CPNE4: variants seen among roughly 807,000 people sequenced by gnomAD.
CPNE4 encodes copine-4.
A neutral mutation model predicts 67.9 loss-of-function variants in CPNE4; 25 were observed. The observed-to-expected ratio is 0.37, with a 90% CI of 0.27 to 0.51. CPNE4 has a LOEUF of 0.51. CPNE4 is among the 20% of genes least tolerant of loss of function. CPNE4 has a pLI of 0.93. For synonymous variants in CPNE4, 242 were observed against 244.9 expected, an observed-to-expected ratio of 0.99 and a Z score of 0.11; for missense variants, 464 against 690.8, an observed-to-expected ratio of 0.67 and a Z score of 3.68.
intron 6 of CPNE4, 146 bp downstream of exon 6, chr3:131,685,729 C>T (rs1401651720): frequency 3.2e-5 from 18 of 571,300 alleles, no homozygotes; most frequent in African/African-American, 5.8e-5. Flanking sequence ...TGCAGTGAGA[C>T]GAGACTGCGC....
chr3:131,856,893 C>G (rs1841540), intron 2 of CPNE4, among the ~76,000 whole-genome samples: 149,539 of 152,116 alleles, frequency 0.98, 73,571 homozygotes, highest in Middle Eastern at 1. Context: ...GCAAAGCTGG[C>G]ATTTGACAAC....
intron 7 of CPNE4, among the ~76,000 whole-genome samples, chr3:131,657,844 G>A (rs956785724): frequency 2.0e-5 from 3 of 151,946 alleles, no homozygotes; most frequent in African/African-American, 7.3e-5. Flanking sequence ...GATTACAGGC[G>A]TGAGATACCG....
At chr3:131,749,224 C>T (rs1345966463) in intron 2 of CPNE4, among the ~76,000 whole-genome samples, 2 of 152,106 alleles carry the variant, frequency 1.3e-5, no homozygotes, top group East Asian at 3.8e-4. Context: ...ATGGATTATG[C>T]AGAAGTCTGT....
chr3:131,780,195 G>T (rs1182518273), intron 2 of CPNE4, among the ~76,000 whole-genome samples: 1 of 152,124 alleles, frequency 6.6e-6, no homozygotes, highest in African/African-American at 2.4e-5. Context: ...TGCTGGCAAG[G>T]TTGTAGAAGA....
intron 2 of CPNE4, among the ~76,000 whole-genome samples, chr3:131,789,715 G>C (rs1378434338): frequency 6.6e-6 from 1 of 152,130 alleles, no homozygotes; most frequent in South Asian, 2.1e-4. Context: ...GTGCCTACTA[G>C]GCTAAGTCCT....
intron 7 of CPNE4, chr3:131,620,627 C>A (rs1387265886): frequency 1.5e-5 from 3 of 202,344 alleles, no homozygotes; most frequent in African/African-American, 7.1e-5. Context: ...GAATAGAAGC[C>A]CAGATTATCC....
At chr3:131,781,008 C>T (rs1259575193) in intron 2 of CPNE4, among the ~76,000 whole-genome samples, 1 of 151,966 alleles carries the variant, frequency 6.6e-6, no homozygotes, top group Non-Finnish European at 1.5e-5. Flanking sequence ...TGAACCTTGG[C>T]CATGGTGAAA....
upstream of CPNE4, chr3:132,038,003 C>CTT (rs35184182): frequency 0.46 from 66,688 of 145,288 alleles, 16,708 homozygotes; most frequent in Middle Eastern, 0.57. Context: ...TATTTTCTTT[C>CTT]TTTTTTTTTT....
At chr3:131,571,326 T>A (rs1000661086) in intron 10 of CPNE4, among the ~76,000 whole-genome samples, 3 of 151,898 alleles carry the variant, frequency 2.0e-5, no homozygotes, top group African/African-American at 7.3e-5. Context: ...CCCTTTTCCT[T>A]CTATATTTTT....
At chr3:131,661,618 A>G (rs901815624) in intron 7 of CPNE4, among the ~76,000 whole-genome samples, 17 of 152,156 alleles carry the variant, frequency 1.1e-4, no homozygotes, top group African/African-American at 4.1e-4. Flanking sequence ...GCAATCAGAT[A>G]AGTTCCAGGA....
intron 2 of CPNE4, among the ~76,000 whole-genome samples, chr3:131,851,739 C>T (rs2086249554): frequency 1.3e-5 from 2 of 152,018 alleles, no homozygotes; most frequent in African/African-American, 4.8e-5. Context: ...CTTGAAGAGA[C>T]CTGGTTTCTA....
At chr3:131,748,387 G>A (rs959392326) in intron 2 of CPNE4, among the ~76,000 whole-genome samples, 19 of 151,944 alleles carry the variant, frequency 1.3e-4, no homozygotes, top group African/African-American at 4.6e-4. Context: ...TCTATATCGT[G>A]AGGAATACTG....
intron 1 of CPNE4, among the ~76,000 whole-genome samples, chr3:131,931,697 A>T (rs2071065440): frequency 6.6e-6 from 1 of 152,158 alleles, no homozygotes. Flanking sequence ...TAGAAAAAAA[A>T]TTCCAAAAAT....
chr3:131,706,446 C>T (rs113423746), intron 3 of CPNE4, among the ~76,000 whole-genome samples: 2,648 of 152,220 alleles, frequency 0.017, 84 homozygotes, highest in African/African-American at 0.059. Flanking sequence ...TATAAGCTTA[C>T]GTATGAATGA....
At chr3:131,846,122 T>C (rs1024849822) in intron 2 of CPNE4, among the ~76,000 whole-genome samples, 5 of 152,228 alleles carry the variant, frequency 3.3e-5, no homozygotes, top group African/African-American at 7.2e-5. Context: ...AACATTTCTG[T>C]GCCTATCTCC....
At chr3:131,750,013 G>A (rs1005358359) in intron 2 of CPNE4, among the ~76,000 whole-genome samples, 2 of 152,072 alleles carry the variant, frequency 1.3e-5, no homozygotes, top group African/African-American at 2.4e-5. Context: ...CTGAGACAGA[G>A]CAACTATACT....
At chr3:131,692,643 C>T (rs1279876642) in intron 5 of CPNE4, among the ~76,000 whole-genome samples, 1 of 152,090 alleles carries the variant, frequency 6.6e-6, no homozygotes, top group Non-Finnish European at 1.5e-5. Context: ...GCAGTGGGGA[C>T]AGAGATCAGG....
chr3:131,675,744 T>G (rs1271178665), intron 6 of CPNE4, among the ~76,000 whole-genome samples: 1 of 138,908 alleles, frequency 7.2e-6, no homozygotes, highest in East Asian at 2.0e-4. Context: ...GATCTTGTTT[T>G]TATCCATTCG....
At chr3:131,965,216 T>C (rs2107931511) in intron 1 of CPNE4, among the ~76,000 whole-genome samples, 1 of 152,280 alleles carries the variant, frequency 6.6e-6, no homozygotes, top group East Asian at 1.9e-4. Flanking sequence ...CAAGAGCTCC[T>C]GAAGGAAGCA....
Sources: allele counts gnomAD v4.1 joint callset (sites outside exome capture counted in the v4.1 genomes callset), GRCh38; gene constraint gnomAD v4.1.1; transcripts MANE v1.5; gene names NCBI Gene and HGNC (gene_info 2026-07-23, HGNC 2026-07-21).